BTBD9: variants seen among roughly 807,000 people sequenced by gnomAD.
BTBD9 encodes BTB domain containing 9.
Under a neutral mutation model 64.3 loss-of-function variants are expected in BTBD9, and 49 were observed. The observed-to-expected ratio is 0.76, with a 90% confidence interval of 0.61 to 0.97. BTBD9 has a LOEUF of 0.97. BTBD9 is among the 50% of genes least tolerant of loss of function. The pLI is 0.00. For synonymous variants in BTBD9, 260 were observed against 274.7 expected (o/e 0.95, Z 0.53); for missense variants, 598 against 762.1 (o/e 0.78, Z 2.53).
intron 6 of BTBD9, among the ~76,000 whole-genome samples, chr6:38,397,228 G>A (rs1450015443): frequency 6.6e-6 from 1 of 151,976 alleles, no homozygotes; most frequent in East Asian, 1.9e-4. Flanking sequence ...CTTTTTTAAC[G>A]TAGCTACTAG....
At chr6:38,500,287 G>A (rs566049568) in intron 6 of BTBD9, among the ~76,000 whole-genome samples, 17 of 152,214 alleles carry the variant, frequency 1.1e-4, no homozygotes, top group African/African-American at 4.1e-4. Context: ...CCTGGAGCTT[G>A]TCATCTGAAA....
intron 6 of BTBD9, among the ~76,000 whole-genome samples, chr6:38,536,851 G>C (rs79613396): frequency 1.9e-3 from 296 of 152,122 alleles, no homozygotes; most frequent in African/African-American, 6.6e-3. Context: ...AAGTGGGGAT[G>C]CTTAATGGGT....
chr6:38,487,293 G>T (rs1291678437), intron 6 of BTBD9, among the ~76,000 whole-genome samples: 1 of 152,054 alleles, frequency 6.6e-6, no homozygotes, highest in Non-Finnish European at 1.5e-5. Flanking sequence ...ACCTTAGGAG[G>T]GGGTGGGCTG....
intron 9 of BTBD9, among the ~76,000 whole-genome samples, chr6:38,231,288 A>G (rs1466701816): frequency 6.6e-6 from 1 of 152,244 alleles, no homozygotes; most frequent in South Asian, 2.1e-4. Flanking sequence ...GGTAGTAGAA[A>G]TGCATTATGT....
At chr6:38,281,143 A>C (rs1043419736) in intron 8 of BTBD9, among the ~76,000 whole-genome samples, 1 of 152,212 alleles carries the variant, frequency 6.6e-6, no homozygotes, top group Non-Finnish European at 1.5e-5. Flanking sequence ...TTGGCTATTA[A>C]GTAGGAAAAA....
At position 38,303,951 on chromosome 6, in the gene BTBD9, G is replaced by GTATA. The variant is rs35466294; in HGVS notation, c.1265-15494_1265-15491dup. Among the ~76,000 whole-genome samples the GTATA allele has an allele frequency of 2.8e-3, 365 of 131,382 alleles. 4 individuals carry two copies. The highest frequency in any genetic ancestry group is 0.011 in the African/African-American group (338 of 31,686). 86.2% of individuals were successfully genotyped at this position (131,382 alleles called of 152,430 possible). ...TATACACGTGTGTGTGTGTGTGTGT[G>GTATA]TATATATATATATATGTGCTGGTGA... On this transcript the variant is annotated intron_variant, in intron 7 of 10. Transcript: ENST00000481247.
intron 6 of BTBD9, among the ~76,000 whole-genome samples, chr6:38,467,830 C>T (rs1218739409): frequency 6.6e-6 from 1 of 152,196 alleles, no homozygotes; most frequent in Admixed American, 6.5e-5. Flanking sequence ...CTCTTTCCAT[C>T]CTCCTCTGTA....
At chr6:38,359,300 C>T (rs748987084) in intron 6 of BTBD9, among the ~76,000 whole-genome samples, 1 of 152,164 alleles carries the variant, frequency 6.6e-6, no homozygotes, top group Admixed American at 6.5e-5. Flanking sequence ...TACACAGCAC[C>T]TTCCTTTTCT....
intron 9 of BTBD9, among the ~76,000 whole-genome samples, chr6:38,247,809 T>C (rs1359604979): frequency 1.3e-5 from 2 of 152,224 alleles, no homozygotes; most frequent in Non-Finnish European, 2.9e-5. Flanking sequence ...GATATTGCTA[T>C]GTATAGCACT....
chr6:38,608,149 C>A (rs1749513626), intron 1 of BTBD9, among the ~76,000 whole-genome samples: 1 of 152,142 alleles, frequency 6.6e-6, no homozygotes, highest in South Asian at 2.1e-4. Context: ...CCCTATAAGG[C>A]AATCTCCCAT....
chr6:38,563,341 G>A (rs140653813), intron 6 of BTBD9, among the ~76,000 whole-genome samples: 227 of 152,218 alleles, frequency 1.5e-3, no homozygotes, highest in African/African-American at 5.2e-3. Flanking sequence ...CACATAAGCT[G>A]AAGAACACAT....
chr6:38,450,414 A>G (rs888476584), intron 6 of BTBD9, among the ~76,000 whole-genome samples: 1 of 152,308 alleles, frequency 6.6e-6, no homozygotes, highest in Admixed American at 6.5e-5. Flanking sequence ...AGTGGATGTT[A>G]TGTGTTCTCA....
chr6:38,518,567 C>G (rs1393579456), intron 6 of BTBD9, among the ~76,000 whole-genome samples: 19 of 152,182 alleles, frequency 1.2e-4, no homozygotes, highest in Admixed American at 1.2e-3. Context: ...AGTTTGAGCA[C>G]AAAGCTTATA....
intron 6 of BTBD9, among the ~76,000 whole-genome samples, chr6:38,549,699 A>G (rs1211108678): frequency 2.0e-5 from 3 of 152,112 alleles, no homozygotes; most frequent in Non-Finnish European, 2.9e-5. Context: ...GAACCACCCT[A>G]CTGCTTTCCT....
chr6:38,575,348 T>C (rs1165079751), intron 6 of BTBD9, among the ~76,000 whole-genome samples: 5 of 152,182 alleles, frequency 3.3e-5, no homozygotes, highest in African/African-American at 9.7e-5. Context: ...TTAGAATCCA[T>C]ACTGCCTGCC....
intron 6 of BTBD9, among the ~76,000 whole-genome samples, chr6:38,417,966 C>T (rs1767750864): frequency 6.6e-6 from 1 of 152,114 alleles, no homozygotes; most frequent in South Asian, 2.1e-4. Context: ...AAAGGCACAC[C>T]TTTTAAAAGT....
At chr6:38,380,440 T>C (rs1765880908) in intron 6 of BTBD9, among the ~76,000 whole-genome samples, 1 of 152,138 alleles carries the variant, frequency 6.6e-6, no homozygotes, top group Non-Finnish European at 1.5e-5. Flanking sequence ...GTCCCACTTG[T>C]GGGTTAAAAA....
chr6:38,490,367 C>A (rs1162610300), intron 6 of BTBD9, among the ~76,000 whole-genome samples: 7 of 152,196 alleles, frequency 4.6e-5, no homozygotes, highest in Non-Finnish European at 1.5e-5. Context: ...GTTGCCCAGG[C>A]TGGAGTGCAG....
At chr6:38,427,622 T>C (rs1430106245) in intron 6 of BTBD9, among the ~76,000 whole-genome samples, 2 of 151,938 alleles carry the variant, frequency 1.3e-5, no homozygotes, top group East Asian at 3.9e-4. Flanking sequence ...GTGTGTGTGC[T>C]TATCAGTGAA....
Sources: allele counts gnomAD v4.1 joint callset (sites outside exome capture counted in the v4.1 genomes callset), GRCh38; gene constraint gnomAD v4.1.1; transcripts MANE v1.5; gene names NCBI Gene and HGNC (gene_info 2026-07-23, HGNC 2026-07-21).